Variants in OPRM1 observed in about 807,000 individuals in gnomAD.
OPRM1 encodes the protein opioid receptor mu 1, also known as mu-type opioid receptor.
In OPRM1, 27 loss-of-function variants were observed where a neutral mutation model predicts 31.8. The observed-to-expected ratio is 0.85, with a 90% confidence interval of 0.63 to 1.17. The LOEUF (loss-of-function observed/expected upper bound fraction) is 1.17. OPRM1 is among the 50% of genes most tolerant of loss of function. The pLI is 0.00. For synonymous variants in OPRM1, 196 were observed against 189.9 expected (o/e 1.03, Z -0.26); for missense variants, 536 against 511.1 (o/e 1.05, Z -0.47).
chr6:154,169,409 TG>T (rs1454921923), intron 3 of OPRM1, among the ~76,000 whole-genome samples: 3 of 152,104 alleles, frequency 2.0e-5, no homozygotes, highest in Admixed American at 1.3e-4. Context: ...TGAAACTCAG[TG>T]GGGGAGTGAT....
rs780726314 is a variant in OPRM1, at chr6:154,039,624, G to T, written c.80G>T (p.Ser27Ile). ...TACTCAAGTTGCTCCCCAGCACCCA[G>T]CCCCGGTTCCTGGGTCAACTTGTCC... ...LAYSSCSPAPSPGSWVNLSHL... is the reference protein window; with the variant it reads ...LAYSSCSPAPIPGSWVNLSHL... The change falls in exon 1 of 4, where the codon AGC (serine) becomes ATC (isoleucine). Residue 27 changes from serine to isoleucine, a missense_variant. By Grantham distance (142) the Ser-to-Ile change is moderately radical (BLOSUM62 -2). Coordinates refer to ENST00000330432, the MANE Select transcript of OPRM1 (RefSeq NM_000914.5). 5 of 1,613,742 alleles carry T rather than the reference G, an allele frequency of 3.1e-6. No individual in the cohort carries two copies. Among genetic ancestry groups the T allele is most frequent in the Non-Finnish European group, 8.5e-7 (1 of 1,179,766 alleles).
chr6:154,039,568 G>T lies in OPRM1; in HGVS notation c.24G>T (p.Thr8=), dbSNP rs1799973. 5 of 1,612,970 alleles carry T rather than the reference G, an allele frequency of 3.1e-6. No individual in the cohort carries two copies. The East Asian group carries it at 1.1e-4, about 36-fold the overall frequency. The change falls in exon 1 of 4, where the codon ACG becomes ACT. Residue 8 remains threonine (T), a synonymous_variant. Coordinates refer to ENST00000330432, the MANE Select transcript of OPRM1 (RefSeq NM_000914.5). ...CCATGGACAGCAGCGCTGCCCCCAC[G>T]AACGCCAGCAATTGCACTGATGCCT... MDSSAAP[T]NASNCTDALA... is the part of the protein sequence containing the mutation.
At chr6:154,108,759 C>T (rs1233535484) in intron 3 of OPRM1, 2 of 985,188 alleles carry the variant, frequency 2.0e-6, no homozygotes, top group Non-Finnish European at 1.2e-6. Context: ...GCCTCTAACC[C>T]CGCTTTATAA....
Position 154,124,930 on chromosome 6 carries a change from C to T in OPRM1, c.*6209C>T, listed in dbSNP as rs1247510742. ...AAAAGCACTCAGACATTTTGTAGAG[C>T]AAGTAGCAATCTATTCAAAGTTGTA... On this transcript the variant is annotated 3_prime_UTR_variant, in exon 4 of 4. Transcript: ENST00000330432. Among the ~76,000 whole-genome samples the T allele has an allele frequency of 6.6e-6, 1 of 152,160 alleles. No individual in the cohort carries two copies. The highest frequency in any genetic ancestry group is 1.5e-5 in the Non-Finnish European group (1 of 68,026).
At chr6:154,199,590 G>T (rs1392800240) in intron 3 of OPRM1, 14 of 1,408,516 alleles carry the variant, frequency 9.9e-6, no homozygotes, top group Non-Finnish European at 1.1e-5. Context: ...AACCATTCTT[G>T]TTACAAATTA....
At chr6:154,083,867 C>T (rs1452981363) in intron 1 of OPRM1, among the ~76,000 whole-genome samples, 1 of 148,344 alleles carries the variant, frequency 6.7e-6, no homozygotes, top group East Asian at 2.0e-4. Context: ...TGGCGTGAAC[C>T]CGGGAGGCGG....
intron 3 of OPRM1, among the ~76,000 whole-genome samples, chr6:154,231,234 A>T (rs559345191): frequency 6.6e-6 from 1 of 152,232 alleles, no homozygotes; most frequent in Non-Finnish European, 1.5e-5. Flanking sequence ...AGGAGATTGA[A>T]GAAAAGTTAG....
chr6:154,191,916 T>G (rs934889567), intron 3 of OPRM1, among the ~76,000 whole-genome samples: 1 of 152,032 alleles, frequency 6.6e-6, no homozygotes, highest in Non-Finnish European at 1.5e-5. Flanking sequence ...TTAAGCCTAT[T>G]AATTTCAAAA....
intron 1 of OPRM1, chr6:154,011,113 A>G: frequency 4.6e-6 from 5 of 1,095,502 alleles, no homozygotes; most frequent in Non-Finnish European, 6.1e-6. Flanking sequence ...CATCTCTTAA[A>G]TGCTATACAT....
intron 3 of OPRM1, among the ~76,000 whole-genome samples, chr6:154,198,856 T>C (rs189695449): frequency 6.6e-6 from 1 of 152,182 alleles, no homozygotes; most frequent in African/African-American, 2.4e-5. Flanking sequence ...CAACTTTCTC[T>C]CAATGGCACA....
chr6:154,134,887 T>C (rs568845216), downstream of OPRM1, among the ~76,000 whole-genome samples: 53 of 152,260 alleles, frequency 3.5e-4, no homozygotes, highest in Admixed American at 6.5e-4. Flanking sequence ...GTTAACCCAG[T>C]TGTCAAAAAT....
chr6:154,179,101 T>C (rs979335588), intron 3 of OPRM1, among the ~76,000 whole-genome samples: 1 of 152,138 alleles, frequency 6.6e-6, no homozygotes, highest in African/African-American at 2.4e-5. Flanking sequence ...TGCTTAGGTC[T>C]TCACAGGGCC....
At position 154,145,162 on chromosome 6, in the gene OPRM1, A is replaced by G. The variant is rs1394908105; in HGVS notation, c.1164+53690A>G. Among the ~76,000 whole-genome samples, 7 of 152,346 alleles carry G rather than the reference A, an allele frequency of 4.6e-5. 1 individual carries two copies. The highest frequency in any genetic ancestry group is 1.7e-4 in the African/African-American group (7 of 41,586). On this transcript the variant is annotated intron_variant, in intron 3 of 3. Coordinates refer to the OPRM1 transcript ENST00000337049. ...TAGTGCAATAAGACAAGAGAAGGAA[A>G]TAAAAGTCATACAGTTAAGAAGGAA...
chr6:154,223,275 A>G, intron 3 of OPRM1: 1 of 1,516,320 alleles, frequency 6.6e-7, no homozygotes, highest in Non-Finnish European at 9.1e-7. Flanking sequence ...AATAGGAATG[A>G]ATGCATCAAT....
chr6:154,215,469 G>A (rs1778320448), intron 3 of OPRM1, among the ~76,000 whole-genome samples: 1 of 152,048 alleles, frequency 6.6e-6, no homozygotes, highest in South Asian at 2.1e-4. Flanking sequence ...AGCCGGGTGT[G>A]GTGGCGGAAG....
intron 3 of OPRM1, among the ~76,000 whole-genome samples, chr6:154,117,204 A>G (rs1462345218): frequency 6.6e-6 from 1 of 152,182 alleles, no homozygotes; most frequent in Admixed American, 6.5e-5. Context: ...ATGTCCCTGA[A>G]TCCAGCTTAT....
chr6:154,180,294 A>C (rs1188876359), intron 3 of OPRM1, among the ~76,000 whole-genome samples: 2 of 151,588 alleles, frequency 1.3e-5, no homozygotes, highest in African/African-American at 4.9e-5. Context: ...AGACTCCTAA[A>C]CTTTCTTCAA....
At chr6:154,186,158 G>T (rs1010661573) in intron 3 of OPRM1, among the ~76,000 whole-genome samples, 1 of 152,200 alleles carries the variant, frequency 6.6e-6, no homozygotes, top group African/African-American at 2.4e-5. Flanking sequence ...CTCTGCTGAA[G>T]TCCAGACTCA....
At chr6:154,032,028 T>G (rs1036491516) in intron 1 of OPRM1, among the ~76,000 whole-genome samples, 9 of 152,232 alleles carry the variant, frequency 5.9e-5, no homozygotes, top group Non-Finnish European at 1.0e-4. Context: ...TCTTTTAATC[T>G]GTTTTTGGCT....
Sources: gnomAD v4.1 joint callset for allele counts (sites outside exome capture counted in the v4.1 genomes callset) on GRCh38, gnomAD v4.1.1 for gene constraint, MANE v1.5 for transcripts, NCBI Gene and HGNC (gene_info 2026-07-23, HGNC 2026-07-21) for gene names.